WDR3: variants seen among roughly 807,000 people sequenced by gnomAD.
The protein encoded by WDR3 is WD repeat domain 3.
A neutral mutation model predicts 123.7 loss-of-function variants in WDR3; 81 were observed. The observed-to-expected ratio is 0.65, with a 90% CI of 0.55 to 0.79. The LOEUF is 0.79. WDR3 is among the 30% of genes least tolerant of loss of function. The pLI, the probability that WDR3 is intolerant of heterozygous loss-of-function variation, is 0.00. For missense variants in WDR3, 1,027 were observed against 1,123.2 expected (o/e 0.91, Z 1.22); for synonymous variants, 390 against 388.8 (o/e 1.00, Z -0.04).
rs573048970 is a variant in WDR3 at position 117,958,787 on chromosome 1, C to T, written c.2583-123C>T. 333 of 425,808 alleles carry T rather than the reference C, an allele frequency of 7.8e-4. 2 individuals are homozygous for T. Among genetic ancestry groups the T allele is most frequent in the African/African-American group, 6.3e-3 (264 of 41,754 alleles). The allele number at this position is 425,808 out of a possible 1,614,324, so 26.4% of individuals were successfully genotyped here. On this transcript the variant is annotated intron_variant, in intron 25 of 26. Transcript: ENST00000349139. ...TTTGGCTTTTTTTTTTTTTTTTGCT[C>T]GAAACATTTCTATAATGTATATTTT...
At chr1:117,944,580 T>C (rs1368297438) in intron 11 of WDR3, among the ~76,000 whole-genome samples, 1 of 152,206 alleles carries the variant, frequency 6.6e-6, no homozygotes, top group Non-Finnish European at 1.5e-5. Flanking sequence ...CAAACCAAAC[T>C]TACGTTGTTC....
At chr1:117,930,589 GT>G (rs1218717426) in intron 1 of WDR3, among the ~76,000 whole-genome samples, 1 of 152,172 alleles carries the variant, frequency 6.6e-6, no homozygotes, top group Non-Finnish European at 1.5e-5. Flanking sequence ...AGATTAGTCG[GT>G]AGTATTATGA....
chr1:117,963,240 A>G lies in WDR3; in HGVS notation c.*3793A>G, dbSNP rs1236749719. The G allele has an allele frequency of 2.6e-5, 4 of 152,268 alleles. No individual in the cohort carries two copies. Among genetic ancestry groups the G allele is most frequent in the Non-Finnish European group, 5.9e-5 (4 of 68,078 alleles). The allele number at this position is 152,268 out of a possible 1,614,324, so 9.4% of individuals were successfully genotyped here. On this transcript the variant is annotated 3_prime_UTR_variant, in exon 27 of 27. Transcript: ENST00000349139. Reference sequence around the variant, plus strand: ...GACTGGCTTCTAGTGAACAGAATACAGTAAATATAATGGGATGTGTCTTCC... The same window carrying G: ...GACTGGCTTCTAGTGAACAGAATACGGTAAATATAATGGGATGTGTCTTCC...
rs1423512177 is a variant in WDR3, at chr1:117,964,971, T to G, written c.*5524T>G. 3.3e-5 allele frequency: 5 copies of G among 152,232 alleles called. No individual in the cohort carries two copies. Among genetic ancestry groups the G allele is most frequent in the Non-Finnish European group, 7.3e-5 (5 of 68,038 alleles). The allele number at this position is 152,232 out of a possible 1,614,324, so 9.4% of individuals were successfully genotyped here. ...TCTACTCATTCATATTTTTAATATA[T>G]ATCTTCTGCTCCACTCTCTTCAGCC... On this transcript the variant is annotated 3_prime_UTR_variant, in exon 27 of 27. Coordinates refer to ENST00000349139, the MANE Select transcript of WDR3 (RefSeq NM_006784.3).
In WDR3 at chr1:117,963,313, T is replaced by C. The variant is rs966618831; in HGVS notation, c.*3866T>C. 1 of 152,350 alleles carries C rather than the reference T, an allele frequency of 6.6e-6. No homozygotes were observed. Among genetic ancestry groups the C allele is most frequent in the Non-Finnish European group, 1.5e-5 (1 of 68,154 alleles). 9.4% of individuals were successfully genotyped at this position (152,350 alleles called of 1,614,324 possible). On this transcript the variant is annotated 3_prime_UTR_variant, in exon 27 of 27. Transcript: ENST00000349139. ...AATTCTACCTTGCATGAGCATTACA[T>C]TTTATAATATATATAAAGAAGCAAC... is the stretch of plus-strand genomic sequence containing the variant.
intron 4 of WDR3, 53 bp downstream of exon 4, chr1:117,936,940 C>T: frequency 6.7e-7 from 1 of 1,500,544 alleles, no homozygotes; most frequent in South Asian, 1.2e-5. Flanking sequence ...AGAGAATTTG[C>T]TTTATTCCTT....
chr1:117,936,123 A>G (rs780342910), intron 3 of WDR3, among the ~76,000 whole-genome samples: 7 of 152,202 alleles, frequency 4.6e-5, no homozygotes, highest in Non-Finnish European at 7.4e-5. Flanking sequence ...TGAGAAAACT[A>G]ATAATAGAGT....
At position 117,963,724 on chromosome 1, in the gene WDR3, G is replaced by A. The variant is rs1338274997; in HGVS notation, c.*4277G>A. 1.5e-5 allele frequency: 20 copies of A among 1,378,940 alleles called. No homozygotes were observed. The highest frequency in any genetic ancestry group is 2.2e-5 in the Admixed American group (1 of 45,016). The allele number at this position is 1,378,940 out of a possible 1,614,324, so 85.4% of individuals were successfully genotyped here. ...TTATAGGTTTCTGACTATAAGAAGAGGGGAAGAAACCTGGGGTCTAATACC... is the reference window on the plus strand; with the variant it reads ...TTATAGGTTTCTGACTATAAGAAGAAGGGAAGAAACCTGGGGTCTAATACC... On this transcript the variant is annotated 3_prime_UTR_variant, in exon 27 of 27. Coordinates refer to ENST00000349139, the MANE Select transcript of WDR3 (RefSeq NM_006784.3).
intron 4 of WDR3, among the ~76,000 whole-genome samples, chr1:117,937,942 C>T (rs184137311): frequency 1.3e-5 from 2 of 152,278 alleles, no homozygotes; most frequent in Admixed American, 1.3e-4. Flanking sequence ...GACAGTTGCA[C>T]ATTGGATGGG....
chr1:117,952,455 T>G (rs754003156), intron 18 of WDR3, 47 bp downstream of exon 18: 1 of 1,599,598 alleles, frequency 6.3e-7, no homozygotes. Flanking sequence ...GAAATACTTT[T>G]AAGAATATTT....
chr1:117,958,199 C>T (rs868447746), intron 25 of WDR3, among the ~76,000 whole-genome samples: 3 of 152,086 alleles, frequency 2.0e-5, no homozygotes, highest in African/African-American at 4.8e-5. Context: ...GGTGAATTGG[C>T]CTGGTTTTAT....
At chr1:117,948,591 G>GTT in intron 13 of WDR3, 85 bp downstream of exon 13, 44 of 806,564 alleles carry the variant, frequency 5.5e-5, no homozygotes, top group Non-Finnish European at 7.1e-5. Context: ...GAAAGCCTGA[G>GTT]GTTTTTTTTT....
chr1:117,964,003 A>G lies in WDR3; in HGVS notation c.*4556A>G. The G allele has an allele frequency of 6.6e-7, 1 of 1,517,284 alleles. No individual in the cohort carries two copies. The highest frequency in any genetic ancestry group is 8.9e-7 in the Non-Finnish European group (1 of 1,119,418). 94.0% of individuals were successfully genotyped at this position (1,517,284 alleles called of 1,614,324 possible). A position where few individuals can be genotyped will look rare whatever the true frequency, so the allele number is the denominator to read the frequency against. ...TTATTTGCATATATAAACCTAAATA[A>G]CATTTTAGAATCATAGAATTTCTTC... On this transcript the variant is annotated 3_prime_UTR_variant, in exon 27 of 27. Transcript: ENST00000349139.
rs1350750079 is a variant in WDR3 at position 117,963,209 on chromosome 1, C to T, written c.*3762C>T. On this transcript the variant is annotated 3_prime_UTR_variant, in exon 27 of 27. Coordinates refer to ENST00000349139, the MANE Select transcript of WDR3 (RefSeq NM_006784.3). The stretch of plus-strand genomic sequence containing the variant: ...CCTTCCCCTTGAGTATGGGGTCGGA[C>T]CTAGTGACTGGCTTCTAGTGAACAG... The T allele has an allele frequency of 6.6e-6, 1 of 151,990 alleles. No homozygotes were observed. Among genetic ancestry groups the T allele is most frequent in the East Asian group, 1.9e-4 (1 of 5,188 alleles). 9.4% of individuals were successfully genotyped at this position (151,990 alleles called of 1,614,324 possible). A position where few individuals can be genotyped will look rare whatever the true frequency, so the allele number is the denominator to read the frequency against.
intron 15 of WDR3, 108 bp downstream of exon 15, chr1:117,950,238 T>A (rs57769243): frequency 0.021 from 27,868 of 1,297,340 alleles, 1,057 homozygotes; most frequent in South Asian, 0.11. Context: ...CGATAGTACA[T>A]TTCTAAAAAT....
Position 117,963,685 on chromosome 1 carries a change from T to G in WDR3, c.*4238T>G. The G allele has an allele frequency of 2.0e-6, 2 of 983,634 alleles. No individual in the cohort carries two copies. The highest frequency in any genetic ancestry group is 2.9e-6 in the Non-Finnish European group (2 of 683,430). 60.9% of individuals were successfully genotyped at this position (983,634 alleles called of 1,614,324 possible). A position where few individuals can be genotyped will look rare whatever the true frequency, so the allele number is the denominator to read the frequency against. ...GGCCTAAACAAATATTTTCATTCAT[T>G]CAGGCCAGGTGGCTTATAGGTTTCT... On this transcript the variant is annotated 3_prime_UTR_variant, in exon 27 of 27. Coordinates refer to ENST00000349139, the MANE Select transcript of WDR3 (RefSeq NM_006784.3).
In WDR3 at chr1:117,952,996, A is replaced by G. The variant is rs1651694520; in HGVS notation, c.2202A>G (p.Ala734=). 3 of 1,613,072 alleles carry G rather than the reference A, an allele frequency of 1.9e-6. No individual in the cohort carries two copies. The highest frequency in any genetic ancestry group is 2.5e-6 in the Non-Finnish European group (3 of 1,179,314). The change falls in exon 20 of 27, where the codon GCA becomes GCG. Residue 734 remains alanine, a splice_region_variant and synonymous_variant. Coordinates refer to ENST00000349139, the MANE Select transcript of WDR3 (RefSeq NM_006784.3). ...EESVAKEDQP[A]VPGETQGDSY... is the part of the protein sequence containing the mutation. Reference sequence around the variant, plus strand: ...GTGTGGCCAAAGAAGACCAACCAGCAGTAAGTAAATTTTGGGGACCTTGAG... The same window carrying G: ...GTGTGGCCAAAGAAGACCAACCAGCGGTAAGTAAATTTTGGGGACCTTGAG...
At position 117,965,222 on chromosome 1, in the gene WDR3, C is replaced by T. The variant is rs551875083; in HGVS notation, c.*5775C>T. On this transcript the variant is annotated 3_prime_UTR_variant, in exon 27 of 27. Transcript: ENST00000349139. ...TGAATTTTCTTTGACATCTCAATAG[C>T]ATCCGTCAATTGTGTCCGTCTTTTC... 6.6e-5 allele frequency: 10 copies of T among 152,300 alleles called. No individual in the cohort carries two copies. Among genetic ancestry groups the T allele is most frequent in the African/African-American group, 2.4e-4 (10 of 41,568 alleles). The allele number at this position is 152,300 out of a possible 1,614,324, so 9.4% of individuals were successfully genotyped here.
At chr1:117,954,759 T>A in intron 23 of WDR3, 132 bp downstream of exon 23, 1 of 946,172 alleles carries the variant, frequency 1.1e-6, no homozygotes, top group Non-Finnish European at 1.6e-6. Flanking sequence ...CTCTTTTGAA[T>A]CTTGGCATTC....
Sources: gnomAD v4.1 joint callset for allele counts (sites outside exome capture counted in the v4.1 genomes callset) on GRCh38, gnomAD v4.1.1 for gene constraint, MANE v1.5 for transcripts, NCBI Gene and HGNC (gene_info 2026-07-23, HGNC 2026-07-21) for gene names.